The following TASP1 variants were observed in gnomAD, a reference collection of about 807,000 sequenced individuals.
TASP1 encodes threonine aspartase 1.
TASP1 carries 16 observed loss-of-function variants against 56.6 expected under a neutral mutation model. The observed-to-expected ratio is 0.28, with a 90% CI of 0.19 to 0.43. The LOEUF (loss-of-function observed/expected upper bound fraction) is 0.43. Among genes scored for constraint, TASP1 ranks in the 20% least tolerant of loss-of-function variants. The pLI is 1.00. For missense variants in TASP1, 393 were observed against 511.6 expected, an observed-to-expected ratio of 0.77 and a Z score of 2.24; for synonymous variants, 179 against 184.2, an observed-to-expected ratio of 0.97 and a Z score of 0.23.
chr20:13,628,019 A>C (rs975823002), intron 2 of TASP1, among the ~76,000 whole-genome samples: 1 of 152,196 alleles, frequency 6.6e-6, no homozygotes, highest in East Asian at 1.9e-4. Flanking sequence ...AAATTTTTCT[A>C]TCTCTACCTA....
intron 12 of TASP1, among the ~76,000 whole-genome samples, chr20:13,429,622 GTGTGTGTGTGTGTCTGTC>G (rs2042733647): frequency 6.6e-6 from 1 of 151,512 alleles, no homozygotes; most frequent in African/African-American, 2.4e-5. Context: ...GTGAGTGTGT[GTGTGTGTGTGTGTCTGTC>G]TGTGTGTGTG....
At chr20:13,131,371 C>T in the TASP1 span, among the ~76,000 whole-genome samples, 4 of 152,102 alleles carry the variant, frequency 2.6e-5, no homozygotes, top group Non-Finnish European at 4.4e-5. Flanking sequence ...AATGGCAAGT[C>T]ACTTTCCCTC....
In TASP1 at chr20:13,611,971, A is replaced by ATAATC. The variant is rs144426812; in HGVS notation, c.282+11474_282+11475insGATTA. Among the ~76,000 whole-genome samples the ATAATC allele has an allele frequency of 6.4e-3, 980 of 152,300 alleles. 6 individuals carry two copies. The highest frequency in any genetic ancestry group is 0.01 in the Non-Finnish European group (706 of 68,024). On this transcript the variant is annotated intron_variant, in intron 4 of 13. Transcript: ENST00000337743. ...AATCTCTGGCCTACATCACTTTGTA[A>ATAATC]GATTAAGAAGGTCTCAAGCTTCTTC... is the stretch of plus-strand genomic sequence containing the variant.
Position 13,488,175 on chromosome 20 carries a change from T to A in TASP1, c.875-4838A>T, listed in dbSNP as rs182242081. The stretch of plus-strand genomic sequence containing the variant: ...CATAAGGAATAAGAATTTTCTAGAA[T>A]TTAAGTTATTAAACTGAAGATCCAC... On this transcript the variant is annotated intron_variant, in intron 10 of 13. Transcript: ENST00000337743. Among the ~76,000 whole-genome samples the A allele has an allele frequency of 4.1e-3, 626 of 152,152 alleles. 3 individuals carry two copies. Among genetic ancestry groups the A allele is most frequent in the Non-Finnish European group, 5.8e-3 (394 of 68,002 alleles).
intron 8 of TASP1, among the ~76,000 whole-genome samples, chr20:13,554,079 C>T (rs1411264247): frequency 6.6e-6 from 1 of 152,154 alleles, no homozygotes; most frequent in Admixed American, 6.5e-5. Context: ...TGCCATCCTG[C>T]CTTACTCTCA....
the TASP1 span, among the ~76,000 whole-genome samples, chr20:13,142,904 C>T: frequency 6.6e-6 from 1 of 151,536 alleles, no homozygotes; most frequent in Non-Finnish European, 1.5e-5. Context: ...ATCAAATACC[C>T]CGCCTCTCTC....
intron 12 of TASP1, among the ~76,000 whole-genome samples, chr20:13,431,975 A>G (rs112028160): frequency 0.037 from 5,652 of 152,288 alleles, 131 homozygotes; most frequent in African/African-American, 0.058. Context: ...CTAAGCCTCC[A>G]TGACTGTAAG....
intron 11 of TASP1, among the ~76,000 whole-genome samples, chr20:13,441,594 G>C (rs976562328): frequency 6.6e-6 from 1 of 152,220 alleles, no homozygotes; most frequent in Non-Finnish European, 1.5e-5. Flanking sequence ...AGGGAAGAGA[G>C]GATAGAACAT....
At chr20:13,419,315 T>C (rs1454892388) in intron 12 of TASP1, among the ~76,000 whole-genome samples, 1 of 151,042 alleles carries the variant, frequency 6.6e-6, no homozygotes, top group Non-Finnish European at 1.5e-5. Context: ...GAGGAGGGCA[T>C]GAGGATGGGA....
At chr20:13,124,226 T>C in the TASP1 span, among the ~76,000 whole-genome samples, 1 of 152,182 alleles carries the variant, frequency 6.6e-6, no homozygotes, top group East Asian at 1.9e-4. Flanking sequence ...GGTCCCTTTC[T>C]ATCCTCCCTC....
chr20:13,390,205 G>A lies in TASP1; in HGVS notation c.*155C>T. ...CCACCAAAGGCCCGCGTGTCACTAA[G>A]CGCTAACTACAGCAGCACTTGTGTC... On this transcript the variant is annotated 3_prime_UTR_variant, in exon 14 of 14. Transcript: ENST00000337743. 1 of 652,806 alleles carries A rather than the reference G, an allele frequency of 1.5e-6. No individual in the cohort carries two copies. The highest frequency in any genetic ancestry group is 2.6e-6 in the Non-Finnish European group (1 of 381,366). The allele number at this position is 652,806 out of a possible 1,614,324, so 40.4% of individuals were successfully genotyped here. A position where few individuals can be genotyped will look rare whatever the true frequency, so the allele number is the denominator to read the frequency against.
the TASP1 span, among the ~76,000 whole-genome samples, chr20:13,107,962 G>A: frequency 1.3e-4 from 20 of 151,736 alleles, no homozygotes; most frequent in South Asian, 1.0e-3. Context: ...TTTTCTTAAG[G>A]ATGTTAAAGG....
At chr20:13,301,872 T>C in the TASP1 span, among the ~76,000 whole-genome samples, 2 of 152,092 alleles carry the variant, frequency 1.3e-5, no homozygotes, top group Admixed American at 6.6e-5. Flanking sequence ...GTTTGTTAAG[T>C]GTAAGCACAA....
the TASP1 span, among the ~76,000 whole-genome samples, chr20:13,270,273 T>C: frequency 6.6e-6 from 1 of 152,194 alleles, no homozygotes; most frequent in Admixed American, 6.5e-5. Flanking sequence ...AGCCCATAAC[T>C]CATTAACACT....
At chr20:13,210,616 C>CGTGTGTGTGT in the TASP1 span, among the ~76,000 whole-genome samples, 387 of 147,500 alleles carry the variant, frequency 2.6e-3, 2 homozygotes, top group African/African-American at 7.3e-3. Context: ...CATGTGCACA[C>CGTGTGTGTGT]GTGTGTGTGT....
rs755582849 is a variant in TASP1, at chr20:13,580,983, T to TAC, written c.404-3_404-2insGT. The TAC allele has an allele frequency of 2.8e-5, 43 of 1,513,168 alleles. No individual in the cohort carries two copies. Among genetic ancestry groups the TAC allele is most frequent in the Non-Finnish European group, 3.6e-5 (41 of 1,127,974 alleles). The allele number at this position is 1,513,168 out of a possible 1,614,324, so 93.7% of individuals were successfully genotyped here. A position where few individuals can be genotyped will look rare whatever the true frequency, so the allele number is the denominator to read the frequency against. ...CAACCGAGACTGGGTTCTTGATTCC[T>TAC]ATAAAAAAAAAAAAAAAATTGGCAA... On this transcript the variant is annotated splice_region_variant and splice_polypyrimidine_tract_variant and intron_variant, in intron 5 of 13. Transcript: ENST00000337743.
chr20:13,257,979 G>A, the TASP1 span, among the ~76,000 whole-genome samples: 2 of 152,096 alleles, frequency 1.3e-5, no homozygotes, highest in East Asian at 3.9e-4. Context: ...ACTATCTAGG[G>A]GCCTCTCAGC....
At chr20:13,343,958 G>T in the TASP1 span, among the ~76,000 whole-genome samples, 1 of 151,968 alleles carries the variant, frequency 6.6e-6, no homozygotes, top group South Asian at 2.1e-4. Flanking sequence ...CCAGCCCACC[G>T]GGCTTCTGCG....
chr20:13,108,023 T>A, the TASP1 span, among the ~76,000 whole-genome samples: 1 of 152,216 alleles, frequency 6.6e-6, no homozygotes, highest in Non-Finnish European at 1.5e-5. Flanking sequence ...GAGATCTTGC[T>A]AGTATGCAGC....
Sources: allele counts gnomAD v4.1 joint callset (sites outside exome capture counted in the v4.1 genomes callset), GRCh38; gene constraint gnomAD v4.1.1; transcripts MANE v1.5; gene names NCBI Gene and HGNC (gene_info 2026-07-23, HGNC 2026-07-21).